Variants in BMPR1B observed in about 807,000 individuals in gnomAD.
BMPR1B encodes bone morphogenetic protein receptor type-1B.
In BMPR1B, 12 loss-of-function variants were observed where a neutral mutation model predicts 59.1. That is an observed-to-expected ratio of 0.20 (90% CI 0.13 to 0.33). The LOEUF is 0.33. Ranked by LOEUF, BMPR1B falls within the 10% of genes least tolerant of loss-of-function variation. BMPR1B has a pLI of 1.00. For synonymous variants in BMPR1B, 237 were observed against 207.3 expected, an observed-to-expected ratio of 1.14 and a Z score of -1.23; for missense variants, 550 against 610.9, an observed-to-expected ratio of 0.90 and a Z score of 1.05.
intron 3 of BMPR1B, among the ~76,000 whole-genome samples, chr4:95,039,318 C>T (rs1401966990): frequency 1.3e-5 from 2 of 152,030 alleles, no homozygotes; most frequent in Non-Finnish European, 2.9e-5. Flanking sequence ...TGTAGTATCT[C>T]CATCTTAAAG....
rs1475294956 is a variant in BMPR1B, at chr4:94,954,994, A to C, written c.-112-41046A>C. Among the ~76,000 whole-genome samples, 6 of 152,222 alleles carry C rather than the reference A, an allele frequency of 3.9e-5. No individual in the cohort carries two copies. The East Asian group carries it at 1.2e-3, about 29-fold the overall frequency. On this transcript the variant is annotated intron_variant, in intron 2 of 12. Transcript: ENST00000515059. ...CTTTCCTAACCCCCTTATACTTTTAATCTTTCCATCATTAGACTTCCAAAC... is the reference window on the plus strand; with the variant it reads ...CTTTCCTAACCCCCTTATACTTTTACTCTTTCCATCATTAGACTTCCAAAC...
At chr4:94,802,313 G>C (rs1442262696) in intron 1 of BMPR1B, among the ~76,000 whole-genome samples, 1 of 152,132 alleles carries the variant, frequency 6.6e-6, no homozygotes, top group Non-Finnish European at 1.5e-5. Flanking sequence ...AGAGGCCTGG[G>C]TAGGCTCCAA....
chr4:95,084,227 A>G (rs1385515859), intron 3 of BMPR1B, among the ~76,000 whole-genome samples: 1 of 150,956 alleles, frequency 6.6e-6, no homozygotes, highest in Non-Finnish European at 1.5e-5. Flanking sequence ...GTATAAATAG[A>G]TTTATATATA....
At chr4:94,768,409 G>A (rs1205975544) in intron 1 of BMPR1B, among the ~76,000 whole-genome samples, 4 of 151,986 alleles carry the variant, frequency 2.6e-5, no homozygotes, top group African/African-American at 9.7e-5. Flanking sequence ...ACCACAATCC[G>A]ACTATCAGAA....
chr4:94,877,037 G>A (rs1455230821), intron 2 of BMPR1B, among the ~76,000 whole-genome samples: 1 of 152,260 alleles, frequency 6.6e-6, no homozygotes, highest in South Asian at 2.1e-4. Flanking sequence ...TCCTTTCGGG[G>A]CTATAAATAC....
Position 94,999,205 on chromosome 4 carries a change from C to T in BMPR1B, c.-18+3071C>T, listed in dbSNP as rs556812946. ...TTTTAAATTTAATTCTTTTATGCTT[C>T]CCCAAGACCTAGCATATAACAAGTG... On this transcript the variant is annotated intron_variant, in intron 3 of 12. Transcript: ENST00000515059. Among the ~76,000 whole-genome samples the T allele has an allele frequency of 6.2e-4, 94 of 152,076 alleles. 3 individuals carry two copies. The highest frequency in any genetic ancestry group is 2.2e-3 in the African/African-American group (90 of 41,490).
intron 1 of BMPR1B, among the ~76,000 whole-genome samples, chr4:94,823,337 G>T (rs1249766534): frequency 6.6e-6 from 1 of 152,186 alleles, no homozygotes; most frequent in East Asian, 1.9e-4. Context: ...AACGGATGTG[G>T]TAGAAAGTTA....
intron 3 of BMPR1B, among the ~76,000 whole-genome samples, chr4:95,065,162 G>T (rs1394512700): frequency 1.3e-5 from 2 of 152,030 alleles, no homozygotes; most frequent in Non-Finnish European, 2.9e-5. Context: ...ATGTTATTTG[G>T]CAATAAAAAG....
intron 4 of BMPR1B, among the ~76,000 whole-genome samples, chr4:95,107,577 TAATA>T (rs1409932271): frequency 1.3e-5 from 2 of 152,104 alleles, no homozygotes; most frequent in African/African-American, 4.8e-5. Flanking sequence ...ATTGAATTTT[TAATA>T]AATATTAGCA....
chr4:94,847,603 G>A (rs1360453063), intron 1 of BMPR1B, among the ~76,000 whole-genome samples: 1 of 119,090 alleles, frequency 8.4e-6, no homozygotes, highest in Non-Finnish European at 1.7e-5. Context: ...GTACTATTCA[G>A]CCATAAAAAA....
chr4:94,885,289 CA>C (rs1727130167), intron 2 of BMPR1B, among the ~76,000 whole-genome samples: 2 of 152,098 alleles, frequency 1.3e-5, no homozygotes, highest in Non-Finnish European at 2.9e-5. Context: ...GTGCCTTTTC[CA>C]CCTAGTCACT....
chr4:94,789,725 A>G (rs1026858096), intron 1 of BMPR1B, among the ~76,000 whole-genome samples: 4 of 152,202 alleles, frequency 2.6e-5, no homozygotes. Flanking sequence ...GCAAATTCCA[A>G]CAATGCAAAA....
intron 2 of BMPR1B, among the ~76,000 whole-genome samples, chr4:94,959,919 G>C (rs1286114960): frequency 1.3e-5 from 2 of 152,106 alleles, no homozygotes; most frequent in Non-Finnish European, 2.9e-5. Flanking sequence ...AAAAATTAGT[G>C]TTCAAAGATT....
chr4:95,119,752 A>C (rs1177224908), intron 6 of BMPR1B, among the ~76,000 whole-genome samples: 3 of 152,220 alleles, frequency 2.0e-5, no homozygotes. Flanking sequence ...AACTATTACA[A>C]ATCATAAATA....
chr4:94,905,157 T>C (rs2149004837), intron 2 of BMPR1B, among the ~76,000 whole-genome samples: 1 of 152,204 alleles, frequency 6.6e-6, no homozygotes, highest in Non-Finnish European at 1.5e-5. Context: ...TCAAGATGGT[T>C]AGAAAGGCAT....
rs901465010 is a variant in BMPR1B, at chr4:95,157,551, A to G, written c.*2878A>G. ...AACCCCTCCCTCTCAAAGGAATCCT[A>G]AATTATTAGTTGTTAGATAAGTTTT... On this transcript the variant is annotated 3_prime_UTR_variant, in exon 13 of 13. Coordinates refer to ENST00000515059, the MANE Select transcript of BMPR1B (RefSeq NM_001203.3). 1 of 151,832 alleles carries G rather than the reference A, an allele frequency of 6.6e-6. No homozygotes were observed. The highest frequency in any genetic ancestry group is 1.5e-5 in the Non-Finnish European group (1 of 67,934). 9.4% of individuals were successfully genotyped at this position (151,832 alleles called of 1,614,324 possible).
chr4:94,889,916 T>G lies in BMPR1B; in HGVS notation c.-113+14016T>G, dbSNP rs149126990. On this transcript the variant is annotated intron_variant, in intron 2 of 12. Transcript: ENST00000515059. ...TTTTTTGCCCTTATATACTCTTTAA[T>G]CATAGTCACATGGCAGGTTGTATTT... Among the ~76,000 whole-genome samples, 296 of 152,086 alleles carry G rather than the reference T, an allele frequency of 1.9e-3. 1 individual carries two copies. Among genetic ancestry groups the G allele is most frequent in the Non-Finnish European group, 2.5e-3 (173 of 67,954 alleles).
At chr4:95,142,785 C>T (rs1025374473) in intron 10 of BMPR1B, among the ~76,000 whole-genome samples, 10 of 151,084 alleles carry the variant, frequency 6.6e-5, no homozygotes, top group Non-Finnish European at 1.2e-4. Flanking sequence ...GGGGAAAGTG[C>T]CCTGTGCTCA....
intron 2 of BMPR1B, among the ~76,000 whole-genome samples, chr4:94,933,890 C>T (rs59753663): frequency 0.13 from 19,780 of 151,964 alleles, 1,441 homozygotes; most frequent in African/African-American, 0.19. Context: ...CAAAAGAAAA[C>T]GAAAAGTTTA....
Sources: gnomAD v4.1 joint callset for allele counts (sites outside exome capture counted in the v4.1 genomes callset) on GRCh38, gnomAD v4.1.1 for gene constraint, MANE v1.5 for transcripts, NCBI Gene and HGNC (gene_info 2026-07-23, HGNC 2026-07-21) for gene names.